Variants in ELAPOR2 observed in about 807,000 individuals in gnomAD.
ELAPOR2 encodes the protein endosome/lysosome-associated apoptosis and autophagy regulator family member 2.
In ELAPOR2, 89 loss-of-function variants were observed where a neutral mutation model predicts 120.7. That is an observed-to-expected ratio of 0.74 (90% CI 0.62 to 0.88). ELAPOR2 has a LOEUF of 0.88. Ranked by LOEUF, ELAPOR2 falls within the 40% of genes least tolerant of loss-of-function variation. The probability of loss-of-function intolerance (pLI) is 0.00; values close to 1 mark genes in which losing one functional copy is unlikely to be tolerated. For synonymous variants in ELAPOR2, 444 were observed against 444.9 expected (o/e 1.00, Z 0.03); for missense variants, 1,134 against 1,251.6 (o/e 0.91, Z 1.42).
At chr7:87,021,871 T>C (rs1367617710) in intron 1 of ELAPOR2, among the ~76,000 whole-genome samples, 1 of 152,166 alleles carries the variant, frequency 6.6e-6, no homozygotes, top group Non-Finnish European at 1.5e-5. Flanking sequence ...TTGGGGGCTA[T>C]TCTTTTAAAT....
At chr7:86,998,628 T>C (rs1338714631) in intron 1 of ELAPOR2, among the ~76,000 whole-genome samples, 1 of 152,152 alleles carries the variant, frequency 6.6e-6, no homozygotes, top group African/African-American at 2.4e-5. Flanking sequence ...TGCATAAATT[T>C]CACCCCGGTC....
chr7:86,950,378 G>T lies in ELAPOR2; in HGVS notation c.311-2456C>A, dbSNP rs573806096. Among the ~76,000 whole-genome samples, 5 of 152,348 alleles carry T rather than the reference G, an allele frequency of 3.3e-5. No individual in the cohort carries two copies. The South Asian group carries it at 1.0e-3, about 32-fold the overall frequency. On this transcript the variant is annotated intron_variant, in intron 2 of 21. Transcript: ENST00000450689. ...CTTGCCACGTTGCAGGTGACAAGAAGGAGAGAAGAGCTGTGGCCCTTTGGG... is the reference window on the plus strand; with the variant it reads ...CTTGCCACGTTGCAGGTGACAAGAATGAGAGAAGAGCTGTGGCCCTTTGGG...
Position 86,930,299 on chromosome 7 carries a change from T to C in ELAPOR2, c.1090-3383A>G, listed in dbSNP as rs375354549. On this transcript the variant is annotated intron_variant, in intron 8 of 21. Coordinates refer to ENST00000450689, the MANE Select transcript of ELAPOR2 (RefSeq NM_001142749.3). ...TAAAAAAAGTGTTAAAAACAGACTA[T>C]TAGAAAAATTTTATTTTAAACAAAT... is the stretch of plus-strand genomic sequence containing the variant. 3.9e-5 allele frequency among the ~76,000 whole-genome samples: 6 copies of C among 152,076 alleles called. No homozygotes were observed. The East Asian group carries it at 5.8e-4, about 15-fold the overall frequency.
chr7:86,974,767 C>G (rs1792222457), intron 1 of ELAPOR2, among the ~76,000 whole-genome samples: 1 of 152,076 alleles, frequency 6.6e-6, no homozygotes, highest in Non-Finnish European at 1.5e-5. Flanking sequence ...GTTCAGTTAA[C>G]TGCTTTGCCA....
intron 1 of ELAPOR2, among the ~76,000 whole-genome samples, chr7:86,974,620 T>TGTGTGTGTGTGTGTG (rs57026925): frequency 2.0e-5 from 3 of 148,624 alleles, no homozygotes; most frequent in Non-Finnish European, 3.0e-5. Context: ...TGTGTGTGTG[T>TGTGTGTGTGTGTGTG]TGGATACATG....
rs1791071637 is a variant in ELAPOR2, at chr7:86,947,845, A to G, written c.388T>C (p.Leu130=). The change falls in exon 3 of 22, where the codon TTG becomes CTG. Residue 130 remains leucine (L), a synonymous_variant. Coordinates refer to ENST00000450689, the MANE Select transcript of ELAPOR2 (RefSeq NM_001142749.3). Reference sequence around the variant, plus strand: ...TCATCAAATTTGATGCCACTGCCCAAGGAATAGGTGCCTTCACCACACTTA... The same window carrying G: ...TCATCAAATTTGATGCCACTGCCCAGGGAATAGGTGCCTTCACCACACTTA... The part of the protein sequence containing the change: ...CSKCGEGTYS[L]GSGIKFDEWD... 1 of 1,552,150 alleles carries G rather than the reference A, an allele frequency of 6.4e-7. No individual in the cohort carries two copies. The highest frequency in any genetic ancestry group is 8.7e-7 in the Non-Finnish European group (1 of 1,147,080).
intron 8 of ELAPOR2, among the ~76,000 whole-genome samples, chr7:86,937,907 T>C (rs569566285): frequency 4.6e-5 from 7 of 152,196 alleles, no homozygotes; most frequent in African/African-American, 1.2e-4. Context: ...AATAAAAAAA[T>C]TGAGGCCTAG....
At chr7:86,906,112 G>C (rs752195044) in intron 18 of ELAPOR2, among the ~76,000 whole-genome samples, 4 of 152,144 alleles carry the variant, frequency 2.6e-5, no homozygotes, top group Non-Finnish European at 5.9e-5. Context: ...AGAGACTACA[G>C]GTTAATTGTT....
intron 21 of ELAPOR2, among the ~76,000 whole-genome samples, chr7:86,887,262 T>G (rs1265446262): frequency 6.6e-6 from 1 of 152,028 alleles, no homozygotes; most frequent in African/African-American, 2.4e-5. Flanking sequence ...CTGTCACAAA[T>G]GGTGCATGGG....
chr7:86,938,991 G>C (rs759039382), intron 6 of ELAPOR2, 31 bp from the exon 7 acceptor site: 2 of 1,611,260 alleles, frequency 1.2e-6, no homozygotes, highest in Non-Finnish European at 1.7e-6. Context: ...GAGCATGGGA[G>C]GGGGACCCAA....
intron 8 of ELAPOR2, among the ~76,000 whole-genome samples, chr7:86,931,135 T>A (rs552555789): frequency 6.6e-6 from 1 of 152,086 alleles, no homozygotes; most frequent in East Asian, 1.9e-4. Context: ...CTTAACCTCA[T>A]TAAGCCTCAG....
At chr7:86,903,354 A>G (rs1193364205) in intron 18 of ELAPOR2, among the ~76,000 whole-genome samples, 2 of 152,172 alleles carry the variant, frequency 1.3e-5, no homozygotes. Flanking sequence ...TTAATATTCT[A>G]AGAACGTATT....
chr7:87,042,345 G>A (rs1018714307), intron 1 of ELAPOR2, among the ~76,000 whole-genome samples: 4 of 149,156 alleles, frequency 2.7e-5, no homozygotes, highest in Admixed American at 6.6e-5. Flanking sequence ...TTCCAAAATT[G>A]ACCACATACT....
At chr7:86,920,695 C>T (rs1265942977) in intron 10 of ELAPOR2, 1 of 152,112 alleles carries the variant, frequency 6.6e-6, no homozygotes, top group African/African-American at 2.4e-5. Context: ...CCACTTTTTC[C>T]TCTGTCCTGA....
Position 86,942,050 on chromosome 7 carries a change from G to A in ELAPOR2, c.709C>T (p.Leu237Phe), listed in dbSNP as rs1790822332. Residue 237 changes from leucine to phenylalanine, a missense_variant, in exon 5 of 22, where the codon CTT becomes TTT. Physicochemically the swap from Leu to Phe is conservative, Grantham distance 22. Transcript: ENST00000450689. ...MDTTTDKWVK[L>F]TDNGEWGSHS... The stretch of plus-strand genomic sequence containing the variant: ...GAGCCCCATTCTCCATTGTCTGTAA[G>A]TTTTACCCACTTGTCAGTGGTGGTG... 1 of 1,549,520 alleles carries A rather than the reference G, an allele frequency of 6.5e-7. No individual in the cohort carries two copies. The highest frequency in any genetic ancestry group is 1.4e-5 in the African/African-American group (1 of 73,080).
chr7:86,980,394 C>G (rs1293829605), intron 1 of ELAPOR2, among the ~76,000 whole-genome samples: 1 of 152,162 alleles, frequency 6.6e-6, no homozygotes, highest in African/African-American at 2.4e-5. Context: ...GCAGTTCCCT[C>G]TTTTATTACT....
rs761156072 is a variant in ELAPOR2, at chr7:86,913,035, C to A, written c.1901G>T (p.Cys634Phe). The A allele has an allele frequency of 1.2e-6, 2 of 1,614,048 alleles. No homozygotes were observed. The highest frequency in any genetic ancestry group is 2.2e-5 in the South Asian group (2 of 91,072). Residue 634 changes from cysteine (C) to phenylalanine (F), a missense_variant, in exon 14 of 22, where the codon TGC becomes TTC. Physicochemically the swap from Cys to Phe is radical, Grantham distance 205. Around this residue, in one of 3 missense-constraint regions of ELAPOR2, gnomAD observed 831 missense variants for 867.6 expected, o/e 0.96. Coordinates refer to ENST00000450689, the MANE Select transcript of ELAPOR2 (RefSeq NM_001142749.3). ...GTAGGTGTCAGGTGGACATTCCTTG[C>A]ACTGGTTGGTTTCTTTCTCAATGTA... The part of the protein sequence containing the change: ...GHYIEKETNQ[C>F]KECPPDTYLS...
chr7:87,000,286 A>T (rs1416065742), intron 1 of ELAPOR2, among the ~76,000 whole-genome samples: 1 of 152,164 alleles, frequency 6.6e-6, no homozygotes, highest in Non-Finnish European at 1.5e-5. Flanking sequence ...CTGGCTATTT[A>T]GGAAAAGCCT....
intron 1 of ELAPOR2, among the ~76,000 whole-genome samples, chr7:87,043,516 G>C (rs1794851034): frequency 6.6e-6 from 1 of 151,240 alleles, no homozygotes. Context: ...AAAACCACAT[G>C]ATTATCTCAA....
Sources: gnomAD v4.1 joint callset for allele counts (sites outside exome capture counted in the v4.1 genomes callset) on GRCh38, gnomAD v4.1.1 for gene constraint, gnomAD v4.1.1 regional missense constraint, MANE v1.5 for transcripts, NCBI Gene and HGNC (gene_info 2026-07-23, HGNC 2026-07-21) for gene names.